The following CCDC88C variants were observed in gnomAD, a reference collection of about 807,000 sequenced individuals.
The protein encoded by CCDC88C is protein Daple.
Under a neutral mutation model 198.8 loss-of-function variants are expected in CCDC88C, and 131 were observed. The ratio of observed to expected loss-of-function variants is 0.66; its 90% CI spans 0.57 to 0.76. CCDC88C has a LOEUF of 0.76. CCDC88C is among the 30% of genes least tolerant of loss of function. The pLI, the probability that CCDC88C is intolerant of heterozygous loss-of-function variation, is 0.00. For missense variants in CCDC88C, 2,553 were observed against 2,631.6 expected (o/e 0.97, Z 0.65); for synonymous variants, 1,166 against 1,114.7 (o/e 1.05, Z -0.92).
chr14:91,397,824 C>A (rs554985383), intron 3 of CCDC88C, among the ~76,000 whole-genome samples: 2 of 152,236 alleles, frequency 1.3e-5, no homozygotes, highest in Non-Finnish European at 2.9e-5. Flanking sequence ...CAGATCCTGA[C>A]TGGCCCTGCC....
intron 12 of CCDC88C, among the ~76,000 whole-genome samples, chr14:91,322,904 CTTTTTTT>C (rs35728972): frequency 5.8e-4 from 74 of 127,518 alleles, no homozygotes; most frequent in South Asian, 1.5e-3. Context: ...CAGTGTTTCT[CTTTTTTT>C]TTTTTTTTTT....
chr14:91,310,554 G>T (rs142930107), intron 15 of CCDC88C, among the ~76,000 whole-genome samples: 275 of 152,192 alleles, frequency 1.8e-3, no homozygotes, highest in African/African-American at 6.5e-3. Flanking sequence ...GGAATTACAG[G>T]TGTGCACCAG....
intron 28 of CCDC88C, among the ~76,000 whole-genome samples, chr14:91,278,790 C>T (rs1035536699): frequency 6.6e-6 from 1 of 151,404 alleles, no homozygotes. Flanking sequence ...TGAAACTGTA[C>T]TGTGTGGCCT....
chr14:91,375,673 C>A (rs1185826410), intron 3 of CCDC88C, among the ~76,000 whole-genome samples: 2 of 152,176 alleles, frequency 1.3e-5, no homozygotes, highest in African/African-American at 4.8e-5. Context: ...CATGGCCAAG[C>A]CAAGCAGGAT....
In CCDC88C at chr14:91,417,718, C is replaced by CCCCCCGCCCCGCGT. The variant is rs1331298337; in HGVS notation, c.-42_-29dup. On this transcript the variant is annotated 5_prime_UTR_variant, in exon 1 of 30. Transcript: ENST00000389857. ...TGAGGCTGCGCCCGCCGGCTCCGCG[C>CCCCCCGCCCCGCGT]CCCCCGCCCCGCGTCCCCGTTCCCC... 7.4e-6 allele frequency: 11 copies of CCCCCCGCCCCGCGT among 1,479,706 alleles called. No individual in the cohort carries two copies. Among genetic ancestry groups the CCCCCCGCCCCGCGT allele is most frequent in the African/African-American group, 2.9e-5 (2 of 68,512 alleles). The allele number at this position is 1,479,706 out of a possible 1,614,324, so 91.7% of individuals were successfully genotyped here.
intron 4 of CCDC88C, among the ~76,000 whole-genome samples, chr14:91,357,591 C>G (rs1429370361): frequency 6.6e-6 from 1 of 152,230 alleles, no homozygotes; most frequent in Non-Finnish European, 1.5e-5. Context: ...CCTCCTTTTG[C>G]TCCTCCACTG....
chr14:91,403,606 A>G (rs1460105306), intron 3 of CCDC88C, among the ~76,000 whole-genome samples: 1 of 152,274 alleles, frequency 6.6e-6, no homozygotes, highest in Non-Finnish European at 1.5e-5. Context: ...GAACCATTAC[A>G]TAAATCCAAA....
At chr14:91,404,032 A>C (rs572629027) in intron 3 of CCDC88C, among the ~76,000 whole-genome samples, 4 of 152,274 alleles carry the variant, frequency 2.6e-5, no homozygotes, top group Non-Finnish European at 5.9e-5. Flanking sequence ...CTGGCCAGCC[A>C]GGCTGAGGCA....
intron 10 of CCDC88C, among the ~76,000 whole-genome samples, chr14:91,331,525 C>T (rs187787917): frequency 1.1e-4 from 17 of 150,874 alleles, no homozygotes; most frequent in East Asian, 8.0e-4. Flanking sequence ...CATGTGCACA[C>T]GTGTGTGTGC....
At chr14:91,344,122 T>C (rs185015703) in intron 4 of CCDC88C, among the ~76,000 whole-genome samples, 244 of 152,260 alleles carry the variant, frequency 1.6e-3, no homozygotes, top group Admixed American at 3.8e-3. Context: ...TACCCAGCCT[T>C]ATTTACTTTT....
chr14:91,417,235 G>C (rs1353778186), intron 1 of CCDC88C: 3 of 700,858 alleles, frequency 4.3e-6, no homozygotes, highest in Non-Finnish European at 7.8e-6. Flanking sequence ...TGGTCTCAGG[G>C]ATTCAGAAAA....
intron 5 of CCDC88C, among the ~76,000 whole-genome samples, 190 bp downstream of exon 5, chr14:91,343,409 G>T (rs1233286165): frequency 6.6e-6 from 1 of 152,154 alleles, no homozygotes; most frequent in Non-Finnish European, 1.5e-5. Context: ...CCTGCCCAAG[G>T]TGCCCTGGTA....
At chr14:91,401,273 T>TATTATATATTATATAC (rs1886171232) in intron 3 of CCDC88C, among the ~76,000 whole-genome samples, 1 of 144,622 alleles carries the variant, frequency 6.9e-6, no homozygotes, top group Non-Finnish European at 1.5e-5. Context: ...ACATTATATA[T>TATTATATATTATATAC]ATTATATATT....
At chr14:91,370,754 C>A (rs879669005) in intron 3 of CCDC88C, among the ~76,000 whole-genome samples, 2 of 152,140 alleles carry the variant, frequency 1.3e-5, no homozygotes, top group African/African-American at 2.4e-5. Flanking sequence ...AGTAGGTGGA[C>A]ACATCCGTGC....
rs914825913 is a variant in CCDC88C at position 91,417,257 on chromosome 14, T to C, written c.60+374A>G. The C allele has an allele frequency of 2.2e-5, 15 of 697,346 alleles. No individual in the cohort carries two copies. In the African/African-American group the frequency reaches 2.3e-4, roughly 11 times the overall value. 43.2% of individuals were successfully genotyped at this position (697,346 alleles called of 1,614,324 possible). On this transcript the variant is annotated intron_variant, in intron 1 of 29. Transcript: ENST00000389857. ...AGGGATTCAGAAAAACTACATGAGA[T>C]ATTTGGTTGGGAAGAATGGGGTCCT...
intron 3 of CCDC88C, among the ~76,000 whole-genome samples, chr14:91,368,677 G>A (rs938023414): frequency 6.6e-6 from 1 of 152,140 alleles, no homozygotes; most frequent in African/African-American, 2.4e-5. Flanking sequence ...TGTGCTTCAG[G>A]CAGGTGGGAT....
In CCDC88C at chr14:91,303,750, T is replaced by C. The variant is rs1891436368; in HGVS notation, c.3586A>G (p.Lys1196Glu). ...EALIRQHSCLKTLHRNLELEH... is the reference protein window; with the variant it reads ...EALIRQHSCLETLHRNLELEH... ...AGCTCCAGATTCCGATGCAGTGTCT[T>C]TAGGCAGCTGTGCTGGCGGATGAGG... The change falls in exon 20 of 30, where the codon AAG becomes GAG. Residue 1196 changes from lysine (K) to glutamate (E), a missense_variant. Lys to Glu is a moderately conservative substitution (Grantham distance 56, BLOSUM62 1). Transcript: ENST00000389857. 1.2e-6 allele frequency: 2 copies of C among 1,612,286 alleles called. No individual in the cohort carries two copies. Among genetic ancestry groups the C allele is most frequent in the African/African-American group, 2.7e-5 (2 of 75,042 alleles).
chr14:91,294,047 G>A, intron 23 of CCDC88C, 126 bp downstream of exon 23: 1 of 1,020,564 alleles, frequency 9.8e-7, no homozygotes, highest in East Asian at 2.4e-5. Flanking sequence ...ATCGGTCTGT[G>A]CCCTGCCCTC....
At chr14:91,401,501 A>AT (rs150894918) in intron 3 of CCDC88C, among the ~76,000 whole-genome samples, 1 of 150,790 alleles carries the variant, frequency 6.6e-6, no homozygotes, top group East Asian at 1.9e-4. Flanking sequence ...CACCAGGCTA[A>AT]TTTTTTTGTA....
Sources: allele counts gnomAD v4.1 joint callset (sites outside exome capture counted in the v4.1 genomes callset), GRCh38; gene constraint gnomAD v4.1.1; transcripts MANE v1.5; gene names NCBI Gene and HGNC (gene_info 2026-07-23, HGNC 2026-07-21).